The following SULT1E1 variants were observed in gnomAD, a reference collection of about 807,000 sequenced individuals.
SULT1E1 encodes sulfotransferase family 1E member 1, also known as sulfotransferase 1E1.
A neutral mutation model predicts 33.6 loss-of-function variants in SULT1E1; 36 were observed. The observed-to-expected ratio is 1.07, with a 90% CI of 0.82 to 1.41. The LOEUF (loss-of-function observed/expected upper bound fraction) is 1.41, where lower values mean the gene tolerates loss of function less well. Among genes scored for constraint, SULT1E1 ranks in the 40% most tolerant of loss-of-function variants. SULT1E1 has a pLI of 0.00. For synonymous variants in SULT1E1, 121 were observed against 111.7 expected, an observed-to-expected ratio of 1.08 and a Z score of -0.53; for missense variants, 371 against 345.7, an observed-to-expected ratio of 1.07 and a Z score of -0.58.
intron 4 of SULT1E1, among the ~76,000 whole-genome samples, chr4:69,851,913 G>T (rs1227509407): frequency 6.6e-6 from 1 of 151,966 alleles, no homozygotes; most frequent in Non-Finnish European, 1.5e-5. Context: ...TCATAGGTGG[G>T]AAGTGAACAA....
the SULT1E1 span, among the ~76,000 whole-genome samples, chr4:69,829,666 CTGGACAATT>C: frequency 6.6e-6 from 1 of 152,184 alleles, no homozygotes; most frequent in African/African-American, 2.4e-5. Flanking sequence ...AGCAAAGGAA[CTGGACAATT>C]TGGAAGGTAT....
the SULT1E1 span, among the ~76,000 whole-genome samples, chr4:69,834,777 G>A: frequency 1.3e-5 from 2 of 152,108 alleles, no homozygotes; most frequent in Non-Finnish European, 2.9e-5. Flanking sequence ...TAATCCAGTG[G>A]TAATATTAAT....
chr4:69,844,051 G>A, intron 7 of SULT1E1, 110 bp downstream of exon 7: 1 of 950,310 alleles, frequency 1.1e-6, no homozygotes, highest in Non-Finnish European at 1.7e-6. Flanking sequence ...GACTGCTGAA[G>A]AAAACTTAAG....
the SULT1E1 span, among the ~76,000 whole-genome samples, chr4:69,834,994 A>G: frequency 3.3e-5 from 5 of 152,120 alleles, no homozygotes; most frequent in East Asian, 9.6e-4. Context: ...CAAAAATTTT[A>G]TATTCTTTAT....
chr4:69,845,523 A>C (rs1720956114), intron 6 of SULT1E1, among the ~76,000 whole-genome samples: 1 of 151,384 alleles, frequency 6.6e-6, no homozygotes, highest in African/African-American at 2.4e-5. Context: ...TAGGCATCTC[A>C]CATGTATGTG....
the SULT1E1 span, among the ~76,000 whole-genome samples, chr4:69,827,319 G>A: frequency 6.6e-6 from 1 of 152,122 alleles, no homozygotes; most frequent in Admixed American, 6.5e-5. Flanking sequence ...GCTGAAGAAA[G>A]GGACAAATTC....
At chr4:69,852,585 T>C (rs13113889) in intron 4 of SULT1E1, among the ~76,000 whole-genome samples, 1 of 152,176 alleles carries the variant, frequency 6.6e-6, no homozygotes, top group African/African-American at 2.4e-5. Context: ...GCCTGTTACT[T>C]TTTGTCACTT....
chr4:69,821,757 T>A, the SULT1E1 span, among the ~76,000 whole-genome samples: 1 of 152,212 alleles, frequency 6.6e-6, no homozygotes, highest in African/African-American at 2.4e-5. Flanking sequence ...CATGGTTATA[T>A]TAAAGCTATG....
chr4:69,854,926 C>T (rs991677423), intron 3 of SULT1E1, among the ~76,000 whole-genome samples: 2 of 151,976 alleles, frequency 1.3e-5, no homozygotes, highest in South Asian at 2.1e-4. Context: ...AGGTTGTTTC[C>T]AATTTTCCAC....
At chr4:69,857,189 G>A (rs1252586932) in intron 2 of SULT1E1, among the ~76,000 whole-genome samples, 2 of 152,036 alleles carry the variant, frequency 1.3e-5, no homozygotes, top group East Asian at 1.9e-4. Flanking sequence ...CTGTATATAC[G>A]ACAACATTAA....
At chr4:69,853,298 G>T (rs894175818) in intron 4 of SULT1E1, among the ~76,000 whole-genome samples, 10 of 152,026 alleles carry the variant, frequency 6.6e-5, no homozygotes, top group Non-Finnish European at 1.2e-4. Context: ...TTTTTAAAGA[G>T]CAAAACTGAC....
At chr4:69,843,324 C>T (rs1043545108) in intron 7 of SULT1E1, among the ~76,000 whole-genome samples, 1 of 152,156 alleles carries the variant, frequency 6.6e-6, no homozygotes, top group East Asian at 1.9e-4. Flanking sequence ...TCCTCTGTAA[C>T]ATTTATATGT....
At chr4:69,830,723 C>T in the SULT1E1 span, among the ~76,000 whole-genome samples, 1 of 151,076 alleles carries the variant, frequency 6.6e-6, no homozygotes, top group South Asian at 2.1e-4. Context: ...GTGTCAGTCT[C>T]TGGCACTCTT....
At chr4:69,858,210 G>T (rs1466351107) in intron 1 of SULT1E1, among the ~76,000 whole-genome samples, 6 of 152,044 alleles carry the variant, frequency 3.9e-5, no homozygotes, top group African/African-American at 1.4e-4. Context: ...CACTGTAATG[G>T]TTATATCAAA....
At chr4:69,851,490 A>C (rs951886893) in intron 4 of SULT1E1, among the ~76,000 whole-genome samples, 19 of 152,144 alleles carry the variant, frequency 1.2e-4, no homozygotes, top group African/African-American at 4.6e-4. Flanking sequence ...GCTGGAGAGG[A>C]TGTGGAGAAA....
At chr4:69,840,080 A>G (rs1720855708), downstream of SULT1E1, among the ~76,000 whole-genome samples, 1 of 152,222 alleles carries the variant, frequency 6.6e-6, no homozygotes, top group Non-Finnish European at 1.5e-5. Context: ...CTAAATGGGC[A>G]CATAAAAAAT....
the SULT1E1 span, among the ~76,000 whole-genome samples, chr4:69,835,800 T>A: frequency 2.0e-5 from 3 of 152,192 alleles, no homozygotes; most frequent in Admixed American, 2.0e-4. Context: ...ATTTATGTTA[T>A]TTTTATTTTT....
intron 4 of SULT1E1, among the ~76,000 whole-genome samples, chr4:69,849,942 T>C (rs986727525): frequency 2.6e-5 from 4 of 151,984 alleles, no homozygotes; most frequent in Admixed American, 1.3e-4. Flanking sequence ...AGTAAATCAA[T>C]GAGAGTAAAC....
At chr4:69,852,498 A>G (rs371521861) in intron 4 of SULT1E1, among the ~76,000 whole-genome samples, 38 of 152,216 alleles carry the variant, frequency 2.5e-4, no homozygotes, top group Middle Eastern at 6.8e-3. Flanking sequence ...CTTCCCCATC[A>G]GTTATTCCAC....
Sources: gnomAD v4.1 joint callset for allele counts (sites outside exome capture counted in the v4.1 genomes callset) on GRCh38, gnomAD v4.1.1 for gene constraint, MANE v1.5 for transcripts, NCBI Gene and HGNC (gene_info 2026-07-23, HGNC 2026-07-21) for gene names.